The following PLXDC2 variants were observed in gnomAD, a reference collection of about 807,000 sequenced individuals.
The protein encoded by PLXDC2 is plexin domain containing 2.
PLXDC2 carries 40 observed loss-of-function variants against 68.9 expected under a neutral mutation model. The ratio of observed to expected loss-of-function variants is 0.58; its 90% CI spans 0.45 to 0.76. The LOEUF is 0.76. Ranked by LOEUF, PLXDC2 falls within the 30% of genes least tolerant of loss-of-function variation. The pLI, the probability that PLXDC2 is intolerant of heterozygous loss-of-function variation, is 0.00. For synonymous variants in PLXDC2, 243 were observed against 234.2 expected (o/e 1.04, Z -0.34); for missense variants, 644 against 661.9 (o/e 0.97, Z 0.30).
chr10:20,217,656 A>G, intron 11 of PLXDC2, 80 bp downstream of exon 11: 3 of 1,385,482 alleles, frequency 2.2e-6, no homozygotes, highest in Non-Finnish European at 2.8e-6. Flanking sequence ...CTGTGTTGAC[A>G]TGTACTGGAA....
rs144889009 is a variant in PLXDC2 at position 19,916,801 on chromosome 10, G to A, written c.113-84974G>A. On this transcript the variant is annotated intron_variant, in intron 1 of 13. Coordinates refer to ENST00000377252, the MANE Select transcript of PLXDC2 (RefSeq NM_032812.9). ...TCAGTGCTTGAAAACTGGAGTAATC[G>A]TCATAGTTATAATTTTCTGTAATTT... Among the ~76,000 whole-genome samples, 20 of 152,108 alleles carry A rather than the reference G, an allele frequency of 1.3e-4. 1 individual carries two copies. Among genetic ancestry groups the A allele is most frequent in the South Asian group, 4.1e-4 (2 of 4,826 alleles).
chr10:20,042,821 C>G (rs1835706328), intron 2 of PLXDC2, among the ~76,000 whole-genome samples: 1 of 151,766 alleles, frequency 6.6e-6, no homozygotes. Flanking sequence ...GGTGTAGGTC[C>G]TCTGTTTGTC....
chr10:20,006,901 G>T (rs961975619), intron 2 of PLXDC2, among the ~76,000 whole-genome samples: 4 of 152,192 alleles, frequency 2.6e-5, no homozygotes, highest in East Asian at 3.8e-4. Context: ...TCTGAATGTT[G>T]ATTTCTGTGA....
At chr10:20,079,963 A>G (rs1016331306) in intron 4 of PLXDC2, among the ~76,000 whole-genome samples, 18 of 152,144 alleles carry the variant, frequency 1.2e-4, no homozygotes, top group Admixed American at 1.0e-3. Context: ...GAAACAAAAA[A>G]CAAGAAACAA....
chr10:20,242,998 C>T (rs1835537932), intron 12 of PLXDC2, among the ~76,000 whole-genome samples: 1 of 152,230 alleles, frequency 6.6e-6, no homozygotes, highest in Non-Finnish European at 1.5e-5. Context: ...GGGCATGAGC[C>T]ACCACGCCTG....
intron 1 of PLXDC2, among the ~76,000 whole-genome samples, chr10:19,905,906 T>G (rs2131370669): frequency 6.6e-6 from 1 of 152,290 alleles, no homozygotes; most frequent in East Asian, 1.9e-4. Context: ...TTATTGAGGC[T>G]ATTTCTAGTT....
At chr10:19,910,194 A>G (rs941034158) in intron 1 of PLXDC2, among the ~76,000 whole-genome samples, 4 of 137,370 alleles carry the variant, frequency 2.9e-5, no homozygotes, top group Non-Finnish European at 6.3e-5. Flanking sequence ...ATATATATAT[A>G]TGTCTGCAAG....
intron 2 of PLXDC2, among the ~76,000 whole-genome samples, chr10:20,010,846 C>T (rs1445114160): frequency 6.6e-6 from 1 of 152,120 alleles, no homozygotes; most frequent in South Asian, 2.1e-4. Flanking sequence ...TACTTTAATT[C>T]CATAGCCATT....
intron 13 of PLXDC2, 65 bp from the exon 14 acceptor site, chr10:20,279,638 A>G (rs577762679): frequency 6.8e-5 from 84 of 1,233,330 alleles, no homozygotes; most frequent in Non-Finnish European, 9.7e-5. Flanking sequence ...GCTAGCAAAT[A>G]GATTTTTCTG....
At chr10:20,237,536 C>G (rs181398273) in intron 12 of PLXDC2, among the ~76,000 whole-genome samples, 1 of 152,254 alleles carries the variant, frequency 6.6e-6, no homozygotes, top group Admixed American at 6.5e-5. Flanking sequence ...GCAAGGGAAA[C>G]TTACAAAGGG....
chr10:20,019,831 TGCCATGGCA>T (rs1418858175), intron 2 of PLXDC2, among the ~76,000 whole-genome samples: 1 of 152,066 alleles, frequency 6.6e-6, no homozygotes, highest in African/African-American at 2.4e-5. Flanking sequence ...GCCACTAAGC[TGCCATGGCA>T]GCACAGGCAT....
At chr10:19,862,339 C>A (rs908213030) in intron 1 of PLXDC2, among the ~76,000 whole-genome samples, 1 of 152,082 alleles carries the variant, frequency 6.6e-6, no homozygotes, top group African/African-American at 2.4e-5. Context: ...TGGAATTAGT[C>A]CCATTGAACC....
intron 12 of PLXDC2, among the ~76,000 whole-genome samples, chr10:20,219,704 G>A (rs531471865): frequency 1.4e-3 from 211 of 152,258 alleles, no homozygotes; most frequent in Non-Finnish European, 2.2e-3. Context: ...TTTAGAAATA[G>A]ATCTTTTTCC....
intron 1 of PLXDC2, among the ~76,000 whole-genome samples, chr10:19,862,394 A>C (rs1191642745): frequency 1.3e-5 from 2 of 152,308 alleles, no homozygotes; most frequent in East Asian, 3.9e-4. Flanking sequence ...TATTCATTAA[A>C]AAATTTATTA....
At chr10:20,142,476 A>G (rs964631667) in intron 4 of PLXDC2, among the ~76,000 whole-genome samples, 5 of 152,146 alleles carry the variant, frequency 3.3e-5, no homozygotes, top group Non-Finnish European at 5.9e-5. Context: ...AGGATTAACA[A>G]TTTGTCATGG....
intron 4 of PLXDC2, among the ~76,000 whole-genome samples, chr10:20,140,903 G>C (rs1320017045): frequency 6.6e-6 from 1 of 151,708 alleles, no homozygotes; most frequent in East Asian, 1.9e-4. Context: ...CTTCGTGGTG[G>C]TGGTACTAAT....
At chr10:20,162,688 A>G (rs1251108418) in intron 6 of PLXDC2, among the ~76,000 whole-genome samples, 5 of 152,102 alleles carry the variant, frequency 3.3e-5, no homozygotes, top group African/African-American at 1.2e-4. Flanking sequence ...AGCATGGGGT[A>G]TAAGACTGGG....
chr10:20,134,097 T>C (rs373226477), intron 4 of PLXDC2, among the ~76,000 whole-genome samples: 1 of 152,204 alleles, frequency 6.6e-6, no homozygotes, highest in Admixed American at 6.5e-5. Flanking sequence ...AAACTTCTTG[T>C]TTTATTCATG....
At chr10:20,103,786 G>A (rs1264025751) in intron 4 of PLXDC2, among the ~76,000 whole-genome samples, 2 of 152,138 alleles carry the variant, frequency 1.3e-5, no homozygotes, top group African/African-American at 4.8e-5. Context: ...GGGTTTACAG[G>A]CATGCGCCAC....
Sources: gnomAD v4.1 joint callset for allele counts (sites outside exome capture counted in the v4.1 genomes callset) on GRCh38, gnomAD v4.1.1 for gene constraint, MANE v1.5 for transcripts, NCBI Gene and HGNC (gene_info 2026-07-23, HGNC 2026-07-21) for gene names.